The following CACYBP variants were observed in gnomAD, a reference collection of about 807,000 sequenced individuals.
CACYBP encodes calcyclin binding protein, also known as calcyclin-binding protein.
CACYBP carries 11 observed loss-of-function variants against 29.6 expected under a neutral mutation model. That is an observed-to-expected ratio of 0.37 (90% CI 0.23 to 0.61). CACYBP has a LOEUF of 0.61. Ranked by LOEUF, CACYBP falls within the 20% of genes least tolerant of loss-of-function variation. CACYBP has a pLI of 0.65. For missense variants in CACYBP, 163 were observed against 260.7 expected, an observed-to-expected ratio of 0.63 and a Z score of 2.58; for synonymous variants, 73 against 88.3, an observed-to-expected ratio of 0.83 and a Z score of 0.97.
At chr1:175,001,898 TGCC>T (rs1373704423) in intron 1 of CACYBP, among the ~76,000 whole-genome samples, 1 of 152,082 alleles carries the variant, frequency 6.6e-6, no homozygotes. Flanking sequence ...CGCGCCACCA[TGCC>T]CGGCTAATTT....
chr1:175,000,651 C>T, intron 1 of CACYBP: 2 of 1,007,284 alleles, frequency 2.0e-6, no homozygotes, highest in Admixed American at 5.9e-5. Context: ...TTTCTCTACA[C>T]ACGAGGAGCT....
chr1:175,009,422 G>A (rs933738721), intron 5 of CACYBP, among the ~76,000 whole-genome samples: 2 of 152,060 alleles, frequency 1.3e-5, no homozygotes, highest in Non-Finnish European at 2.9e-5. Flanking sequence ...GAGGCGGGCG[G>A]ATCACCTGAG....
In CACYBP at chr1:175,009,704, A is replaced by G. The variant is rs569900601; in HGVS notation, c.531-219A>G. 2.0e-5 allele frequency among the ~76,000 whole-genome samples: 3 copies of G among 150,816 alleles called. No individual in the cohort carries two copies. In the East Asian group the frequency reaches 5.9e-4, roughly 29 times the overall value. ...CTGTGCCTAAAAATAGCCCCTAACT[A>G]TTTTGATGACCTCTTTCGTGCACCA... On this transcript the variant is annotated intron_variant, in intron 5 of 5. Transcript: ENST00000367679.
intron 1 of CACYBP, among the ~76,000 whole-genome samples, chr1:175,000,819 T>A (rs556589873): frequency 6.6e-6 from 1 of 152,380 alleles, no homozygotes; most frequent in South Asian, 2.1e-4. Context: ...GAAAGTTAGT[T>A]GTAATTAATA....
At chr1:175,005,305 A>G (rs1431477710) in intron 2 of CACYBP, among the ~76,000 whole-genome samples, 1 of 152,156 alleles carries the variant, frequency 6.6e-6, no homozygotes, top group Non-Finnish European at 1.5e-5. Flanking sequence ...TGGGACATTG[A>G]CGTATAACTC....
chr1:175,005,663 T>G (rs535289564), intron 2 of CACYBP, among the ~76,000 whole-genome samples: 2 of 152,296 alleles, frequency 1.3e-5, no homozygotes, highest in Admixed American at 6.5e-5. Flanking sequence ...TATGTCGTGC[T>G]TAAGAGATGT....
At chr1:175,000,590 C>T in intron 1 of CACYBP, 3 of 1,104,690 alleles carry the variant, frequency 2.7e-6, no homozygotes, top group East Asian at 8.5e-5. Context: ...TGGTAGAGGG[C>T]GGTTGGAAGG....
chr1:175,005,544 C>T (rs1478396143), intron 2 of CACYBP, among the ~76,000 whole-genome samples: 2 of 151,964 alleles, frequency 1.3e-5, no homozygotes, highest in Non-Finnish European at 2.9e-5. Flanking sequence ...AAGGGTGAGT[C>T]GTACATTCAG....
intron 1 of CACYBP, among the ~76,000 whole-genome samples, chr1:175,001,189 C>T (rs781363262): frequency 2.0e-5 from 3 of 152,182 alleles, no homozygotes; most frequent in African/African-American, 4.8e-5. Flanking sequence ...GTCTTGGGTA[C>T]TATGTGCCCC....
At chr1:175,009,383 C>T (rs907295903) in intron 5 of CACYBP, among the ~76,000 whole-genome samples, 3 of 152,076 alleles carry the variant, frequency 2.0e-5, no homozygotes, top group South Asian at 2.1e-4. Context: ...GGGTGGCTCA[C>T]GCCTGTAATC....
rs886826714 is a variant in CACYBP, at chr1:175,003,085, C to A, written c.16-1529C>A. 2.0e-5 allele frequency among the ~76,000 whole-genome samples: 3 copies of A among 149,550 alleles called. No individual in the cohort carries two copies. The East Asian group carries it at 5.8e-4, about 29-fold the overall frequency. On this transcript the variant is annotated intron_variant, in intron 1 of 5. Coordinates refer to ENST00000367679, the MANE Select transcript of CACYBP (RefSeq NM_014412.3). ...TAATATGAGCTGTTCTTGGAAGGGT[C>A]GAGAGTGTGGACAAGAGGGTTGGGC...
rs556625983 is a variant in CACYBP at position 175,000,139 on chromosome 1, C to T, written c.-42C>T. On this transcript the variant is annotated 5_prime_UTR_variant, in exon 1 of 6. Transcript: ENST00000367679. ...GGCGCGGGGTTTCCTGTTCCTCCTT[C>T]TGCGCGGCTGCAGCTCGGGACTTCG... is the stretch of plus-strand genomic sequence containing the variant. The T allele has an allele frequency of 1.3e-6, 2 of 1,593,886 alleles. No homozygotes were observed. Among genetic ancestry groups the T allele is most frequent in the Non-Finnish European group, 1.7e-6 (2 of 1,169,924 alleles).
chr1:175,007,267 A>C (rs1421911249), intron 4 of CACYBP, 70 bp downstream of exon 4: 5 of 901,082 alleles, frequency 5.5e-6, no homozygotes, highest in Non-Finnish European at 9.1e-6. Context: ...TTTAGAACTG[A>C]GATGAACTGG....
Position 175,011,203 on chromosome 1 carries a change from G to GTGGT in CACYBP, c.*1125_*1128dup, listed in dbSNP as rs1296284400. 7 of 150,860 alleles carry GTGGT rather than the reference G, an allele frequency of 4.6e-5. No individual in the cohort carries two copies. Among genetic ancestry groups the GTGGT allele is most frequent in the Admixed American group, 2.7e-4 (4 of 15,078 alleles). 9.3% of individuals were successfully genotyped at this position (150,860 alleles called of 1,614,324 possible). On this transcript the variant is annotated 3_prime_UTR_variant, in exon 6 of 6. Coordinates refer to ENST00000367679, the MANE Select transcript of CACYBP (RefSeq NM_014412.3). Reference sequence around the variant, plus strand: ...CAATTAATATGGGAATTTGGAAGAAGTGGTAGGATTTAAAATACAGAAACA... The same window carrying GTGGT: ...CAATTAATATGGGAATTTGGAAGAAGTGGTTGGTAGGATTTAAAATACAGAAACA...
At chr1:174,999,661 T>A (rs927969970), upstream of CACYBP, 7 of 233,832 alleles carry the variant, frequency 3.0e-5, no homozygotes, top group Non-Finnish European at 4.2e-5. Flanking sequence ...GACTCTCTAG[T>A]CAACTTCCGA....
intron 2 of CACYBP, among the ~76,000 whole-genome samples, chr1:175,005,362 A>G (rs904232851): frequency 1.3e-5 from 2 of 152,230 alleles, no homozygotes; most frequent in African/African-American, 2.4e-5. Context: ...TGGTGTATAC[A>G]GTTTTTTGTT....
chr1:175,007,067 G>A (rs763911991), intron 3 of CACYBP, 31 bp from the exon 4 acceptor site: 87 of 1,394,422 alleles, frequency 6.2e-5, no homozygotes, highest in Non-Finnish European at 7.9e-5. Flanking sequence ...CATAGAACTA[G>A]AAAGATGATG....
intron 2 of CACYBP, among the ~76,000 whole-genome samples, chr1:175,005,597 TAG>T (rs1284501191): frequency 3.3e-5 from 5 of 152,166 alleles, no homozygotes; most frequent in Non-Finnish European, 7.3e-5. Context: ...AGAATGTGAA[TAG>T]AGAGTTGGAA....
rs981613633 is a variant in CACYBP, at chr1:175,010,284, A to C, written c.*205A>C. 7.4e-6 allele frequency: 3 copies of C among 407,446 alleles called. No individual in the cohort carries two copies. In the South Asian group the frequency reaches 1.9e-4, roughly 26 times the overall value. 25.2% of individuals were successfully genotyped at this position (407,446 alleles called of 1,614,324 possible). A position where few individuals can be genotyped will look rare whatever the true frequency, so the allele number is the denominator to read the frequency against. ...TAAACACTCCTGCAAAGATGGTTTT[A>C]TTAGTACCCTGGTCATTTTGTTCAA... is the stretch of plus-strand genomic sequence containing the variant. On this transcript the variant is annotated 3_prime_UTR_variant, in exon 6 of 6. Transcript: ENST00000367679.
Sources: gnomAD v4.1 joint callset for allele counts (sites outside exome capture counted in the v4.1 genomes callset) on GRCh38, gnomAD v4.1.1 for gene constraint, MANE v1.5 for transcripts, NCBI Gene and HGNC (gene_info 2026-07-23, HGNC 2026-07-21) for gene names.